The following WDR27 variants were observed in gnomAD, a reference collection of about 807,000 sequenced individuals.
The protein encoded by WDR27 is WD repeat domain 27, also known as WD repeat-containing protein 27.
A neutral mutation model predicts 114.4 loss-of-function variants in WDR27; 100 were observed. The observed-to-expected ratio is 0.87, with a 90% CI of 0.74 to 1.03. The LOEUF (loss-of-function observed/expected upper bound fraction) is 1.03. WDR27 is among the 50% of genes least tolerant of loss of function. The pLI, the probability that WDR27 is intolerant of heterozygous loss-of-function variation, is 0.00. For missense variants in WDR27, 1,129 were observed against 1,092.9 expected (o/e 1.03, Z -0.47); for synonymous variants, 449 against 423.1 (o/e 1.06, Z -0.75).
At chr6:169,470,746 T>A (rs972825043) in intron 25 of WDR27, among the ~76,000 whole-genome samples, 2 of 152,154 alleles carry the variant, frequency 1.3e-5, no homozygotes, top group African/African-American at 4.8e-5. Flanking sequence ...AATCACCTCC[T>A]AAAAGCCCTA....
intron 25 of WDR27, among the ~76,000 whole-genome samples, chr6:169,561,133 G>A (rs1799614427): frequency 6.6e-6 from 1 of 152,114 alleles, no homozygotes; most frequent in South Asian, 2.1e-4. Context: ...CGTCCTGGAG[G>A]CTGGAGGTCC....
At chr6:169,434,574 T>TC in the WDR27 span, among the ~76,000 whole-genome samples, 1 of 152,198 alleles carries the variant, frequency 6.6e-6, no homozygotes, top group African/African-American at 2.4e-5. Flanking sequence ...ACTTTTTTTT[T>TC]CTGACTCTTG....
chr6:169,429,612 C>G, the WDR27 span, among the ~76,000 whole-genome samples: 13 of 152,156 alleles, frequency 8.5e-5, no homozygotes, highest in African/African-American at 3.1e-4. Flanking sequence ...GAATTCCATC[C>G]TGGCCTCCTT....
intron 25 of WDR27, among the ~76,000 whole-genome samples, chr6:169,460,828 A>T (rs1488765765): frequency 1.3e-5 from 2 of 152,176 alleles, no homozygotes; most frequent in Admixed American, 6.5e-5. Flanking sequence ...TCCCATAAAT[A>T]CTGCAATTTT....
At chr6:169,571,267 A>T (rs543123638) in intron 25 of WDR27, among the ~76,000 whole-genome samples, 10 of 143,290 alleles carry the variant, frequency 7.0e-5, no homozygotes, top group South Asian at 6.8e-4. Flanking sequence ...AATTAAAAAA[A>T]AAATAAATAA....
At chr6:169,509,542 T>G (rs570848620) in intron 25 of WDR27, among the ~76,000 whole-genome samples, 6 of 151,994 alleles carry the variant, frequency 3.9e-5, no homozygotes, top group East Asian at 1.9e-4. Context: ...GGATTCCCTA[T>G]TTAATAAATG....
Position 169,613,414 on chromosome 6 carries a change from T to C in WDR27, c.2321+145A>G, listed in dbSNP as rs1811069563. The C allele has an allele frequency of 1.3e-5, 8 of 613,132 alleles. No individual in the cohort carries two copies. In the East Asian group the frequency reaches 2.3e-4, roughly 18 times the overall value. 38.0% of individuals were successfully genotyped at this position (613,132 alleles called of 1,614,324 possible). A position where few individuals can be genotyped will look rare whatever the true frequency, so the allele number is the denominator to read the frequency against. On this transcript the variant is annotated intron_variant, in intron 22 of 25. Transcript: ENST00000448612. ...TGCTTCACCCTTCCAAAGTTAGAGCTAACTTTTCTGTGCATAAATCAGTCT... is the reference window on the plus strand; with the variant it reads ...TGCTTCACCCTTCCAAAGTTAGAGCCAACTTTTCTGTGCATAAATCAGTCT...
At chr6:169,632,622 T>C (rs550136968) in intron 21 of WDR27, among the ~76,000 whole-genome samples, 2 of 152,378 alleles carry the variant, frequency 1.3e-5, no homozygotes, top group Admixed American at 6.5e-5. Flanking sequence ...CCCCAGTTCA[T>C]AGAACCTATG....
chr6:169,660,043 C>T (rs958052297), intron 10 of WDR27, among the ~76,000 whole-genome samples: 2 of 151,650 alleles, frequency 1.3e-5, no homozygotes, highest in Non-Finnish European at 2.9e-5. Flanking sequence ...GAGCAGTGCC[C>T]GGGAGGCCGC....
the WDR27 span, among the ~76,000 whole-genome samples, chr6:169,431,151 G>A: frequency 6.3e-4 from 96 of 152,180 alleles, no homozygotes; most frequent in African/African-American, 2.2e-3. Flanking sequence ...CCTCACTAGC[G>A]CCAATAATTT....
At chr6:169,462,008 A>G (rs887059627) in intron 25 of WDR27, among the ~76,000 whole-genome samples, 2 of 152,128 alleles carry the variant, frequency 1.3e-5, no homozygotes, top group Non-Finnish European at 2.9e-5. Flanking sequence ...ACTATTAACA[A>G]TTGTATGCCA....
intron 25 of WDR27, among the ~76,000 whole-genome samples, chr6:169,535,376 A>T (rs1796090637): frequency 6.6e-6 from 1 of 152,176 alleles, no homozygotes; most frequent in African/African-American, 2.4e-5. Context: ...ACGACTCAAA[A>T]CTGTATTAGA....
intron 25 of WDR27, among the ~76,000 whole-genome samples, chr6:169,526,338 C>T (rs761842656): frequency 1.3e-5 from 2 of 152,094 alleles, no homozygotes; most frequent in East Asian, 1.9e-4. Context: ...CAAGGCCAGG[C>T]GCGGTGGCTC....
At chr6:169,447,744 T>C in the WDR27 span, among the ~76,000 whole-genome samples, 1 of 152,266 alleles carries the variant, frequency 6.6e-6, no homozygotes, top group African/African-American at 2.4e-5. Flanking sequence ...TACTTGTTTG[T>C]TTTGGTACTT....
At chr6:169,550,395 T>C (rs923814004) in intron 25 of WDR27, among the ~76,000 whole-genome samples, 2 of 152,096 alleles carry the variant, frequency 1.3e-5, no homozygotes, top group Non-Finnish European at 2.9e-5. Flanking sequence ...GAGTTATTTT[T>C]ATTGTTATTG....
At chr6:169,644,283 A>T (rs60282265) in intron 16 of WDR27, among the ~76,000 whole-genome samples, 1 of 147,208 alleles carries the variant, frequency 6.8e-6, no homozygotes, top group Non-Finnish European at 1.5e-5. Flanking sequence ...GTCACACTGT[A>T]GAAAAGCCTA....
intron 17 of WDR27, among the ~76,000 whole-genome samples, chr6:169,640,232 G>A (rs1015722325): frequency 3.9e-5 from 6 of 152,152 alleles, no homozygotes; most frequent in African/African-American, 1.4e-4. Context: ...CCCTTCCTGT[G>A]GGCCTCAGCA....
chr6:169,451,529 T>C, the WDR27 span, among the ~76,000 whole-genome samples: 2 of 152,228 alleles, frequency 1.3e-5, no homozygotes, highest in Non-Finnish European at 2.9e-5. Flanking sequence ...TATATTCATT[T>C]CTCATAGATA....
intron 24 of WDR27, among the ~76,000 whole-genome samples, chr6:169,577,221 C>A (rs912663494): frequency 1.3e-5 from 2 of 152,116 alleles, no homozygotes; most frequent in Non-Finnish European, 2.9e-5. Context: ...GTGGGTGCTG[C>A]GAGGGCACCA....
Sources: gnomAD v4.1 joint callset for allele counts (sites outside exome capture counted in the v4.1 genomes callset) on GRCh38, gnomAD v4.1.1 for gene constraint, MANE v1.5 for transcripts, NCBI Gene and HGNC (gene_info 2026-07-23, HGNC 2026-07-21) for gene names.